Variants in ARHGDIG observed in about 807,000 individuals in gnomAD.
ARHGDIG encodes Rho GDP dissociation inhibitor gamma, also known as rho GDP-dissociation inhibitor 3.
In ARHGDIG, 14 loss-of-function variants were observed where a neutral mutation model predicts 20.2. The ratio of observed to expected loss-of-function variants is 0.69; its 90% CI spans 0.46 to 1.08. The LOEUF is 1.08. ARHGDIG is among the 50% of genes least tolerant of loss of function. The pLI, the probability that ARHGDIG is intolerant of heterozygous loss-of-function variation, is 0.00. For missense variants in ARHGDIG, 311 were observed against 301.8 expected (o/e 1.03, Z -0.23); for synonymous variants, 193 against 138.6 (o/e 1.39, Z -2.76).
Position 282,793 on chromosome 16 carries a change from C to A in ARHGDIG, c.657C>A (p.Ile219=). The A allele has an allele frequency of 6.2e-7, 1 of 1,605,804 alleles. No homozygotes were observed. The highest frequency in any genetic ancestry group is 2.2e-5 in the East Asian group (1 of 44,710). ...HHLSWEWGLC[I]CQDWKD The stretch of plus-strand genomic sequence containing the variant: ...TGTCCTGGGAGTGGGGTCTCTGCAT[C>A]TGCCAGGACTGGAAGGACTGAACCC... Residue 219 remains isoleucine, a synonymous_variant, in exon 6 of 6, where the codon ATC becomes ATA. Coordinates refer to ENST00000219409, the MANE Select transcript of ARHGDIG (RefSeq NM_001176.4).
Position 280,602 on chromosome 16 carries a change from G to A in ARHGDIG, c.-79G>A, listed in dbSNP as rs1296113554. ...GATGAGCTCACCGCAGTCGCGCCGG[G>A]GCTGAGCGCCGAGCGGGGCGGCGGC... On this transcript the variant is annotated 5_prime_UTR_variant, in exon 1 of 6. Coordinates refer to ENST00000219409, the MANE Select transcript of ARHGDIG (RefSeq NM_001176.4). The surrounding 1 kb of genome is among the most constrained non-coding windows in gnomAD (Gnocchi z 6.6). The A allele has an allele frequency of 5.8e-6, 4 of 693,370 alleles. No homozygotes were observed. The African/African-American group carries it at 7.9e-5, about 14-fold the overall frequency. 43.0% of individuals were successfully genotyped at this position (693,370 alleles called of 1,614,324 possible). A position where few individuals can be genotyped will look rare whatever the true frequency, so the allele number is the denominator to read the frequency against.
rs1392470493 is a variant in ARHGDIG at position 280,630 on chromosome 16, G to A, written c.-51G>A. 3.5e-6 allele frequency: 3 copies of A among 854,712 alleles called. No individual in the cohort carries two copies. Among genetic ancestry groups the A allele is most frequent in the Non-Finnish European group, 4.2e-6 (3 of 722,574 alleles). The allele number at this position is 854,712 out of a possible 1,614,324, so 52.9% of individuals were successfully genotyped here. A position where few individuals can be genotyped will look rare whatever the true frequency, so the allele number is the denominator to read the frequency against. On this transcript the variant is annotated 5_prime_UTR_variant, in exon 1 of 6. Transcript: ENST00000219409. The surrounding 1 kb of genome is among the most constrained non-coding windows in gnomAD (Gnocchi z 6.6). ...TGAGCGCCGAGCGGGGCGGCGGCGG[G>A]GCGGGCGGCGGCTCCTCGGCGGCTC... is the stretch of plus-strand genomic sequence containing the variant.
Position 281,741 on chromosome 16 carries a change from C to A in ARHGDIG, c.74-5C>A. ...GCTGCTGCTCACGCCCCTCCCCACC[C>A]CCAGTCCTCCTGGCTGACAAGGAGG... On this transcript the variant is annotated splice_region_variant and splice_polypyrimidine_tract_variant and intron_variant, in intron 1 of 5. Transcript: ENST00000219409. The A allele has an allele frequency of 6.3e-7, 1 of 1,576,594 alleles. No homozygotes were observed. Among genetic ancestry groups the A allele is most frequent in the Non-Finnish European group, 8.6e-7 (1 of 1,162,354 alleles).
chr16:281,261 A>AC (rs1567247440), intron 1 of ARHGDIG: 2 of 153,650 alleles, frequency 1.3e-5, no homozygotes, highest in Non-Finnish European at 2.8e-5. Flanking sequence ...GTGTTCAGAG[A>AC]CCCCAGTCCA....
In ARHGDIG at chr16:282,760, G is replaced by A. The variant is rs559411141; in HGVS notation, c.624G>A (p.Thr208=). Residue 208 remains threonine (T), a synonymous_variant, in exon 6 of 6, where the codon ACG becomes ACA. Coordinates refer to ENST00000219409, the MANE Select transcript of ARHGDIG (RefSeq NM_001176.4). ...VVSLFTDDDR[T]HHLSWEWGLC... ...CCCTCTTCACCGACGATGACAGGAC[G>A]CACCACCTGTCCTGGGAGTGGGGTC... is the stretch of plus-strand genomic sequence containing the variant. The A allele has an allele frequency of 1.5e-5, 24 of 1,608,972 alleles. No homozygotes were observed. The highest frequency in any genetic ancestry group is 7.7e-5 in the South Asian group (7 of 90,442).
chr16:282,545 G>C lies in ARHGDIG; in HGVS notation c.478+15G>C, dbSNP rs747704322. ...GGGCCTGCGCGGTGAGGGCAGCGGT[G>C]GGGGGAACGGGGCGGGGGGGGGAAG... On this transcript the variant is annotated intron_variant, in intron 5 of 5. Coordinates refer to ENST00000219409, the MANE Select transcript of ARHGDIG (RefSeq NM_001176.4). 6.4e-7 allele frequency: 1 copy of C among 1,552,242 alleles called. No homozygotes were observed. The highest frequency in any genetic ancestry group is 1.2e-5 in the South Asian group (1 of 85,004).
In ARHGDIG at chr16:282,999, GT is replaced by G; in HGVS notation, c.*186del. On this transcript the variant is annotated 3_prime_UTR_variant, in exon 6 of 6. Transcript: ENST00000219409. ...GAGCTGTCCCATTAAACATGGCCCTGTCTCTCTCGGTGCCCTGGGTGTCGTC... is the reference window on the plus strand; with the variant it reads ...GAGCTGTCCCATTAAACATGGCCCTGCTCTCTCGGTGCCCTGGGTGTCGTC... The G allele has an allele frequency of 4.3e-6, 4 of 924,840 alleles. No individual in the cohort carries two copies. The highest frequency in any genetic ancestry group is 2.7e-5 in the East Asian group (1 of 36,598). 57.3% of individuals were successfully genotyped at this position (924,840 alleles called of 1,614,324 possible).
At position 280,803 on chromosome 16, in the gene ARHGDIG, C is replaced by T. The variant is rs1189449412; in HGVS notation, c.73+50C>T. The T allele has an allele frequency of 1.3e-5, 15 of 1,199,072 alleles. No homozygotes were observed. The highest frequency in any genetic ancestry group is 4.8e-5 in the South Asian group (2 of 41,558). 74.3% of individuals were successfully genotyped at this position (1,199,072 alleles called of 1,614,324 possible). Reference sequence around the variant, plus strand: ...GGGCTCGGCTGGTCTCAGCCCCGGGCGGGGAGTAGCCCCTCCCCCGCGGCA... The same window carrying T: ...GGGCTCGGCTGGTCTCAGCCCCGGGTGGGGAGTAGCCCCTCCCCCGCGGCA... On this transcript the variant is annotated intron_variant, in intron 1 of 5. Transcript: ENST00000219409. The surrounding 1 kb of genome is among the most constrained non-coding windows in gnomAD (Gnocchi z 6.6).
chr16:282,903 TCCCCTGCTG>T lies in ARHGDIG; in HGVS notation c.*116_*124del, dbSNP rs147027565. ...GCACCCCCCGTGAGTGACCAGACCC[TCCCCTGCTG>T]CCCCTGCTGCCCCTGCTGCCCCTGC... On this transcript the variant is annotated 3_prime_UTR_variant, in exon 6 of 6. Transcript: ENST00000219409. 73,179 of 1,302,178 alleles carry T rather than the reference TCCCCTGCTG, an allele frequency of 0.056. 3,164 individuals carry two copies. The highest frequency in any genetic ancestry group is 0.16 in the African/African-American group (10,395 of 63,142). 80.7% of individuals were successfully genotyped at this position (1,302,178 alleles called of 1,614,324 possible). A position where few individuals can be genotyped will look rare whatever the true frequency, so the allele number is the denominator to read the frequency against.
chr16:282,793 C>T lies in ARHGDIG; in HGVS notation c.657C>T (p.Ile219=). Residue 219 remains isoleucine, a synonymous_variant, in exon 6 of 6, where the codon ATC becomes ATT. Coordinates refer to ENST00000219409, the MANE Select transcript of ARHGDIG (RefSeq NM_001176.4). ...HHLSWEWGLC[I]CQDWKD is the part of the protein sequence containing the mutation. ...TGTCCTGGGAGTGGGGTCTCTGCAT[C>T]TGCCAGGACTGGAAGGACTGAACCC... 2.5e-6 allele frequency: 4 copies of T among 1,605,806 alleles called. No individual in the cohort carries two copies. The highest frequency in any genetic ancestry group is 3.4e-6 in the Non-Finnish European group (4 of 1,177,726).
rs2052274498 is a variant in ARHGDIG, at chr16:280,719, G to T, written c.39G>T (p.Leu13=). 1 of 1,286,680 alleles carries T rather than the reference G, an allele frequency of 7.8e-7. No individual in the cohort carries two copies. The highest frequency in any genetic ancestry group is 9.9e-7 in the Non-Finnish European group (1 of 1,012,462). The allele number at this position is 1,286,680 out of a possible 1,614,324, so 79.7% of individuals were successfully genotyped here. A position where few individuals can be genotyped will look rare whatever the true frequency, so the allele number is the denominator to read the frequency against. The change falls in exon 1 of 6, where the codon CTG becomes CTT. Residue 13 remains leucine (L), a synonymous_variant. Transcript: ENST00000219409. This position sits in a 1 kb window ranked among gnomAD's most constrained non-coding sequence, Gnocchi z 6.6. The part of the protein sequence containing the change: ...GLDACELGAQ[L]LELLRLALCA... ...ACGCGTGCGAGCTGGGGGCGCAGCT[G>T]CTGGAGCTGCTCCGGCTGGCGCTGT...
chr16:282,567 G>GGGGGGCCGGGGGGGGGGGGGGC, intron 5 of ARHGDIG, 37 bp downstream of exon 5: 1 of 957,422 alleles, frequency 1.0e-6, no homozygotes, highest in Non-Finnish European at 1.5e-6. Flanking sequence ...GCGGGGGGGG[G>GGGGGGCCGGGGGGGGGGGGGGC]AAGCGGGGGC....
chr16:282,329 G>C lies in ARHGDIG; in HGVS notation c.370G>C (p.Val124Leu), dbSNP rs150946433. ...DLAVLKDQVF[V>L]LKEGVDYRVK... is the part of the protein sequence containing the mutation. The stretch of plus-strand genomic sequence containing the variant: ...GGCTGTTCTGAAGGACCAGGTGTTT[G>C]TCCTGAAGGAAGGTGTTGATTACAG... Residue 124 changes from valine to leucine, a missense_variant, in exon 4 of 6, where the codon GTC (valine) becomes CTC (leucine). By Grantham distance (32) the Val-to-Leu change is conservative. Transcript: ENST00000219409. 7.4e-6 allele frequency: 12 copies of C among 1,613,166 alleles called. No homozygotes were observed. In the African/African-American group the frequency reaches 1.6e-4, roughly 22 times the overall value.
At chr16:281,357 C>T (rs1309107049) in intron 1 of ARHGDIG, 3 of 190,216 alleles carry the variant, frequency 1.6e-5, no homozygotes, top group African/African-American at 2.4e-5. Flanking sequence ...TGGGGGCCGC[C>T]GAGGGCCCTA....
chr16:282,228 C>A, intron 3 of ARHGDIG, 69 bp from the exon 4 acceptor site: 3 of 1,607,604 alleles, frequency 1.9e-6, no homozygotes, highest in East Asian at 2.2e-5. Context: ...CCACACCCTA[C>A]GTGGGGGCTC....
rs531387216 is a variant in ARHGDIG, at chr16:281,915, A to G, written c.243A>G (p.Pro81=). The part of the protein sequence containing the change: ...KYKRVLLGPL[P]PAVDPSLPNV... ...AGCGGGTGCTGCTGGGGCCCCTGCC[A>G]CCGGCCGTGGGTATGGCAGGGGTCT... Residue 81 remains proline, a synonymous_variant, in exon 2 of 6, where the codon CCA becomes CCG. Transcript: ENST00000219409. The G allele has an allele frequency of 1.9e-6, 3 of 1,596,960 alleles. No homozygotes were observed. Among genetic ancestry groups the G allele is most frequent in the African/African-American group, 1.4e-5 (1 of 73,360 alleles).
At position 281,774 on chromosome 16, in the gene ARHGDIG, G is replaced by A. The variant is rs377627632; in HGVS notation, c.102G>A (p.Pro34=). The change falls in exon 2 of 6, where the codon CCG becomes CCA. Residue 34 remains proline (P), a synonymous_variant. Coordinates refer to ENST00000219409, the MANE Select transcript of ARHGDIG (RefSeq NM_001176.4). ...TCCTGGCTGACAAGGAGGGTGGGCCGCCGGCAGTGGACGAGGTGTTGGATG... is the reference window on the plus strand; with the variant it reads ...TCCTGGCTGACAAGGAGGGTGGGCCACCGGCAGTGGACGAGGTGTTGGATG... ...RVLLADKEGG[P]PAVDEVLDEA... is the part of the protein sequence containing the mutation. 4.7e-5 allele frequency: 76 copies of A among 1,604,392 alleles called. No individual in the cohort carries two copies. The highest frequency in any genetic ancestry group is 6.0e-5 in the Non-Finnish European group (71 of 1,175,784).
At position 280,946 on chromosome 16, in the gene ARHGDIG, C is replaced by G. The variant is rs1425203976; in HGVS notation, c.73+193C>G. On this transcript the variant is annotated intron_variant, in intron 1 of 5. Transcript: ENST00000219409. The surrounding 1 kb of genome is among the most constrained non-coding windows in gnomAD (Gnocchi z 6.6). ...GGGAAGGGACCAGGTGCGGACGGGT[C>G]GGCTTGGGAAGCGGCGGCGCTGGGA... The G allele has an allele frequency of 1.1e-5, 3 of 262,850 alleles. No individual in the cohort carries two copies. Among genetic ancestry groups the G allele is most frequent in the Non-Finnish European group, 2.2e-5 (3 of 136,080 alleles). 16.3% of individuals were successfully genotyped at this position (262,850 alleles called of 1,614,324 possible).
chr16:282,520 G>A lies in ARHGDIG; in HGVS notation c.468G>A (p.Arg156=), dbSNP rs1382346239. 16 of 1,604,750 alleles carry A rather than the reference G, an allele frequency of 1.0e-5. No individual in the cohort carries two copies. Among genetic ancestry groups the A allele is most frequent in the Non-Finnish European group, 1.2e-5 (14 of 1,177,948 alleles). Residue 156 remains arginine, a synonymous_variant, in exon 5 of 6, where the codon CGG becomes CGA. Coordinates refer to ENST00000219409, the MANE Select transcript of ARHGDIG (RefSeq NM_001176.4). ...GLKCLHHTYR[R]GLRVDKTVYM... ...AGTGTCTGCACCACACCTACCGCCGGGGCCTGCGCGGTGAGGGCAGCGGTG... is the reference window on the plus strand; with the variant it reads ...AGTGTCTGCACCACACCTACCGCCGAGGCCTGCGCGGTGAGGGCAGCGGTG...
Sources: gnomAD v4.1 joint callset for allele counts on GRCh38, gnomAD v4.1.1 for gene constraint, Gnocchi (gnomAD v3.1) non-coding constraint, MANE v1.5 for transcripts, NCBI Gene and HGNC (gene_info 2026-07-23, HGNC 2026-07-21) for gene names.